TAGLN3: variants seen among roughly 807,000 people sequenced by gnomAD.
TAGLN3 encodes the protein transgelin-3.
A neutral mutation model predicts 25.4 loss-of-function variants in TAGLN3; 12 were observed. That is an observed-to-expected ratio of 0.47 (90% CI 0.30 to 0.77). The LOEUF is 0.77. Among genes scored for constraint, TAGLN3 ranks in the 30% least tolerant of loss-of-function variants. The pLI is 0.06. For missense variants in TAGLN3, 218 were observed against 255.8 expected, an observed-to-expected ratio of 0.85 and a Z score of 1.01; for synonymous variants, 96 against 94.8, an observed-to-expected ratio of 1.01 and a Z score of -0.08.
At chr3:112,000,682 C>G (rs2072846214) in intron 2 of TAGLN3, 90 bp from the exon 3 acceptor site, 1 of 1,398,982 alleles carries the variant, frequency 7.1e-7, no homozygotes, top group African/African-American at 1.4e-5. Flanking sequence ...ACTGGATGAG[C>G]AGTGTCCCAC....
chr3:112,007,628 T>C (rs2072932197), intron 3 of TAGLN3, among the ~76,000 whole-genome samples: 1 of 152,214 alleles, frequency 6.6e-6, no homozygotes, highest in African/African-American at 2.4e-5. Context: ...CTTGGAAGAA[T>C]GGCCTGGAGC....
intron 3 of TAGLN3, among the ~76,000 whole-genome samples, chr3:112,009,941 A>G (rs576889636): frequency 3.3e-5 from 5 of 151,990 alleles, no homozygotes; most frequent in African/African-American, 1.2e-4. Context: ...CTCTGGGTTC[A>G]TGTAGTAGTC....
At chr3:112,009,000 G>A (rs116209297) in intron 3 of TAGLN3, among the ~76,000 whole-genome samples, 6,574 of 152,304 alleles carry the variant, frequency 0.043, 189 homozygotes, top group Non-Finnish European at 0.067. Context: ...AGGGGAGCCA[G>A]TATGTCACAT....
rs748934420 is a variant in TAGLN3, at chr3:112,013,396, C to T, written c.459-14C>T. On this transcript the variant is annotated splice_polypyrimidine_tract_variant and intron_variant, in intron 4 of 4. Transcript: ENST00000478951. ...GTCATAATGACATTATTCCCTCTCA[C>T]TTTCCTTGTCCAGGAAAGCCCAGCA... The T allele has an allele frequency of 1.9e-6, 3 of 1,606,138 alleles. No individual in the cohort carries two copies. The highest frequency in any genetic ancestry group is 1.3e-5 in the African/African-American group (1 of 74,610).
chr3:112,010,158 C>A (rs2072960598), intron 3 of TAGLN3, among the ~76,000 whole-genome samples: 1 of 151,954 alleles, frequency 6.6e-6, no homozygotes, highest in South Asian at 2.1e-4. Flanking sequence ...GAGTCTAGTT[C>A]TATAGTTTAA....
intron 3 of TAGLN3, among the ~76,000 whole-genome samples, chr3:112,001,240 T>TA (rs1397949288): frequency 6.6e-6 from 1 of 152,182 alleles, no homozygotes; most frequent in Non-Finnish European, 1.5e-5. Context: ...TTATTCCTCT[T>TA]ACCACTCCCA....
rs184687012 is a variant in TAGLN3 at position 112,005,951 on chromosome 3, A to G, written c.355+5005A>G. Among the ~76,000 whole-genome samples the G allele has an allele frequency of 4.6e-3, 690 of 151,182 alleles. 7 individuals carry two copies. Among genetic ancestry groups the G allele is most frequent in the African/African-American group, 0.016 (652 of 41,146 alleles). ...TTTTTTTTTATTTTTAGTAGAGAAG[A>G]GGTTTCACTGAGTTAGCCAGGATGG... On this transcript the variant is annotated intron_variant, in intron 3 of 4. Coordinates refer to ENST00000478951, the MANE Select transcript of TAGLN3 (RefSeq NM_001008272.2).
intron 3 of TAGLN3, among the ~76,000 whole-genome samples, chr3:112,010,781 CTCTTCGAATAAATGA>C (rs2072967863): frequency 6.6e-6 from 1 of 152,168 alleles, no homozygotes; most frequent in Non-Finnish European, 1.5e-5. Flanking sequence ...TCTGTCTCTC[CTCTTCGAATAAATGA>C]AGATCCTGAG....
chr3:112,000,751 G>T, intron 2 of TAGLN3, 21 bp from the exon 3 acceptor site: 2 of 1,608,044 alleles, frequency 1.2e-6, no homozygotes, highest in Non-Finnish European at 1.7e-6. Flanking sequence ...CATTGATTCT[G>T]TCTCTCCCCT....
At chr3:112,011,285 T>C (rs1017517774) in intron 3 of TAGLN3, among the ~76,000 whole-genome samples, 11 of 152,310 alleles carry the variant, frequency 7.2e-5, no homozygotes, top group African/African-American at 2.6e-4. Context: ...ACACTGCACA[T>C]CCCTCTCCCT....
intron 3 of TAGLN3, among the ~76,000 whole-genome samples, chr3:112,007,165 C>T (rs1201417602): frequency 6.6e-6 from 1 of 152,162 alleles, no homozygotes; most frequent in Non-Finnish European, 1.5e-5. Flanking sequence ...TATGCCCTCT[C>T]TCCCCCACAA....
chr3:112,006,002 G>A (rs1003393390), intron 3 of TAGLN3, among the ~76,000 whole-genome samples: 3 of 151,564 alleles, frequency 2.0e-5, no homozygotes, highest in Non-Finnish European at 2.9e-5. Flanking sequence ...CTCGTGATCC[G>A]CCCACCTCGG....
chr3:112,010,656 A>G (rs1438934344), intron 3 of TAGLN3, among the ~76,000 whole-genome samples: 1 of 152,122 alleles, frequency 6.6e-6, no homozygotes, highest in Non-Finnish European at 1.5e-5. Context: ...GGGACTATCC[A>G]TTGACAGCAT....
chr3:112,011,383 T>C (rs1435921764), intron 3 of TAGLN3, among the ~76,000 whole-genome samples: 2 of 152,230 alleles, frequency 1.3e-5, no homozygotes, highest in African/African-American at 2.4e-5. Flanking sequence ...CCCTATCACT[T>C]GTGTCACATT....
At chr3:112,001,163 G>A (rs1263313679) in intron 3 of TAGLN3, among the ~76,000 whole-genome samples, 2 of 152,120 alleles carry the variant, frequency 1.3e-5, no homozygotes, top group African/African-American at 4.8e-5. Flanking sequence ...GGACACAGAG[G>A]GGATCTCAGC....
In TAGLN3 at chr3:112,013,799, A is replaced by G. The variant is rs781733688; in HGVS notation, c.*248A>G. 1 of 506,706 alleles carries G rather than the reference A, an allele frequency of 2.0e-6. No individual in the cohort carries two copies. Among genetic ancestry groups the G allele is most frequent in the Non-Finnish European group, 3.5e-6 (1 of 282,680 alleles). The allele number at this position is 506,706 out of a possible 1,614,324, so 31.4% of individuals were successfully genotyped here. On this transcript the variant is annotated 3_prime_UTR_variant, in exon 5 of 5. Coordinates refer to ENST00000478951, the MANE Select transcript of TAGLN3 (RefSeq NM_001008272.2). ...CCTCGGGCCCCAGAGTCTCTGTTTG[A>G]TTATTTATTTATTTATTTATTTATT...
At position 111,999,518 on chromosome 3, in the gene TAGLN3, C is replaced by T. The variant is rs1424962368; in HGVS notation, c.96C>T (p.Asp32=). 1 of 1,614,186 alleles carries T rather than the reference C, an allele frequency of 6.2e-7. No individual in the cohort carries two copies. The highest frequency in any genetic ancestry group is 1.1e-5 in the South Asian group (1 of 91,076). The change falls in exon 2 of 5, where the codon GAC becomes GAT. Residue 32 remains aspartate (D), a synonymous_variant. Coordinates refer to ENST00000478951, the MANE Select transcript of TAGLN3 (RefSeq NM_001008272.2). ...YDADLENKLV[D]WIILQCAEDI... ...CGGACCTGGAGAACAAGCTGGTGGA[C>T]TGGATCATCCTGCAGTGCGCCGAGG...
chr3:112,008,131 A>G (rs1286046232), intron 3 of TAGLN3, among the ~76,000 whole-genome samples: 1 of 152,136 alleles, frequency 6.6e-6, no homozygotes, highest in Non-Finnish European at 1.5e-5. Context: ...TGACCTCAAA[A>G]TGCATATTTT....
In TAGLN3 at chr3:112,013,679, GTGC is replaced by G; in HGVS notation, c.*132_*134del. The G allele has an allele frequency of 7.0e-7, 1 of 1,431,910 alleles. No homozygotes were observed. Among genetic ancestry groups the G allele is most frequent in the Non-Finnish European group, 9.6e-7 (1 of 1,039,064 alleles). 88.7% of individuals were successfully genotyped at this position (1,431,910 alleles called of 1,614,324 possible). ...AGCCTTCTGTCCCTGGTTTTTGCAA[GTGC>G]TGCATTTCCGCCGAGAATCCGCGTT... On this transcript the variant is annotated 3_prime_UTR_variant, in exon 5 of 5. Transcript: ENST00000478951.
Sources: allele counts gnomAD v4.1 joint callset (sites outside exome capture counted in the v4.1 genomes callset), GRCh38; gene constraint gnomAD v4.1.1; transcripts MANE v1.5; gene names NCBI Gene and HGNC (gene_info 2026-07-23, HGNC 2026-07-21).